Variants in RAD52 observed in about 807,000 individuals in gnomAD.
RAD52 encodes RAD52 DNA repair protein.
Under a neutral mutation model 55.5 loss-of-function variants are expected in RAD52, and 47 were observed. That is an observed-to-expected ratio of 0.85 (90% CI 0.67 to 1.08). The LOEUF is 1.08. Ranked by LOEUF, RAD52 falls within the 50% of genes least tolerant of loss-of-function variation. The pLI, the probability that RAD52 is intolerant of heterozygous loss-of-function variation, is 0.00. For missense variants in RAD52, 468 were observed against 522.8 expected (o/e 0.90, Z 1.02); for synonymous variants, 184 against 198.9 (o/e 0.92, Z 0.63).
chr12:934,460 CAAAAAAAA>C (rs10611406), intron 1 of RAD52, among the ~76,000 whole-genome samples: 2 of 128,818 alleles, frequency 1.6e-5, no homozygotes, highest in Non-Finnish European at 3.3e-5. Context: ...GACTCCATCT[CAAAAAAAA>C]AAAAAAAAAA....
At chr12:964,028 G>A (rs776819132) in intron 1 of RAD52, among the ~76,000 whole-genome samples, 2 of 152,102 alleles carry the variant, frequency 1.3e-5, no homozygotes, top group Non-Finnish European at 2.9e-5. Context: ...CACGTCTGGA[G>A]TGTCGGAGGT....
chr12:939,792 G>A (rs908555804), intron 1 of RAD52, among the ~76,000 whole-genome samples: 3 of 152,216 alleles, frequency 2.0e-5, no homozygotes, highest in Non-Finnish European at 2.9e-5. Context: ...AGAGGGCTGG[G>A]CGCACCGGGC....
chr12:916,698 C>T lies in RAD52; in HGVS notation c.666G>A (p.Val222=), dbSNP rs1212459724. The change falls in exon 8 of 12, where the codon GTG becomes GTA. Residue 222 remains valine, a synonymous_variant. Coordinates refer to ENST00000358495, the MANE Select transcript of RAD52 (RefSeq NM_134424.4). ...CATGGCTGGGTCTGGAAGGGGAGGT[C>T]ACCTGCTGCAGCTGTGGGTGTCCCA... ...MALGHPQLQQ[V]TSPSRPSHAV... 6.2e-7 allele frequency: 1 copy of T among 1,614,140 alleles called. No individual in the cohort carries two copies.
rs774142906 is a variant in RAD52 at position 932,955 on chromosome 12, C to A, written c.84+20G>T. The A allele has an allele frequency of 5.0e-6, 8 of 1,612,992 alleles. No individual in the cohort carries two copies. In the South Asian group the frequency reaches 8.8e-5, roughly 18 times the overall value. On this transcript the variant is annotated intron_variant, in intron 2 of 11. Transcript: ENST00000358495. ...CTCACTTCACCTCATTCTTTCCCGGCATGAAGGAACCACAGTTACCTGTCC... is the reference window on the plus strand; with the variant it reads ...CTCACTTCACCTCATTCTTTCCCGGAATGAAGGAACCACAGTTACCTGTCC...
chr12:984,867 G>A (rs757171089), intron 1 of RAD52, among the ~76,000 whole-genome samples: 12 of 152,058 alleles, frequency 7.9e-5, no homozygotes, highest in Non-Finnish European at 1.3e-4. Flanking sequence ...GAGTTTCACC[G>A]TGTTAGCCAG....
chr12:925,551 A>G, intron 6 of RAD52, 26 bp from the exon 7 acceptor site: 1 of 1,556,432 alleles, frequency 6.4e-7, no homozygotes, highest in Non-Finnish European at 8.9e-7. Flanking sequence ...AAAAAGGTGA[A>G]ACAGGGTTAA....
chr12:959,108 A>G (rs1958650518), intron 1 of RAD52, among the ~76,000 whole-genome samples: 1 of 152,178 alleles, frequency 6.6e-6, no homozygotes, highest in African/African-American at 2.4e-5. Context: ...TAATGCTAAG[A>G]TTAACTGTTT....
At chr12:916,892 A>G in intron 7 of RAD52, 72 bp from the exon 8 acceptor site, 13 of 1,539,268 alleles carry the variant, frequency 8.4e-6, no homozygotes, top group Non-Finnish European at 1.1e-5. Flanking sequence ...TGACTCACAG[A>G]TTGCGATTCC....
intron 1 of RAD52, among the ~76,000 whole-genome samples, chr12:959,585 G>C (rs1403881031): frequency 6.6e-6 from 1 of 152,176 alleles, no homozygotes; most frequent in Non-Finnish European, 1.5e-5. Context: ...GATAAACTTC[G>C]TACATTTAAA....
In RAD52 at chr12:916,673, C is replaced by T. The variant is rs2154108829; in HGVS notation, c.691G>A (p.Ala231Thr). Reference protein sequence around the residue: ...QVTSPSRPSHAVIPADQDCSS... With the variant: ...QVTSPSRPSHTVIPADQDCSS... ...CAGTCCTGGTCCGCCGGTATCACAGCATGGCTGGGTCTGGAAGGGGAGGTC... is the reference window on the plus strand; with the variant it reads ...CAGTCCTGGTCCGCCGGTATCACAGTATGGCTGGGTCTGGAAGGGGAGGTC... Residue 231 changes from alanine (A) to threonine (T), a missense_variant, in exon 8 of 12, where the codon GCT (alanine) becomes ACT (threonine). Physicochemically the swap from Ala to Thr is moderately conservative, Grantham distance 58. Coordinates refer to ENST00000358495, the MANE Select transcript of RAD52 (RefSeq NM_134424.4). 1 of 1,614,088 alleles carries T rather than the reference C, an allele frequency of 6.2e-7. No individual in the cohort carries two copies. Among genetic ancestry groups the T allele is most frequent in the Non-Finnish European group, 8.5e-7 (1 of 1,179,984 alleles).
In RAD52 at chr12:911,962, T is replaced by A. The variant is rs556686716; in HGVS notation, c.*1429A>T. ...TGCTTGAATCCTGGCAGGCGGAGGC[T>A]GCAATGAGTCAAGATGGCACCGCTG... On this transcript the variant is annotated 3_prime_UTR_variant, in exon 12 of 12. Coordinates refer to ENST00000358495, the MANE Select transcript of RAD52 (RefSeq NM_134424.4). 1.0e-5 allele frequency: 2 copies of A among 192,416 alleles called. No homozygotes were observed. The highest frequency in any genetic ancestry group is 1.6e-4 in the East Asian group (2 of 12,206). The allele number at this position is 192,416 out of a possible 1,614,324, so 11.9% of individuals were successfully genotyped here. A position where few individuals can be genotyped will look rare whatever the true frequency, so the allele number is the denominator to read the frequency against.
intron 1 of RAD52, among the ~76,000 whole-genome samples, chr12:946,480 A>G (rs914436355): frequency 6.6e-6 from 1 of 152,212 alleles, no homozygotes; most frequent in Non-Finnish European, 1.5e-5. Flanking sequence ...CTGTTTAAAG[A>G]TATCTTATTT....
At chr12:921,551 G>A (rs1324043224) in intron 7 of RAD52, among the ~76,000 whole-genome samples, 2 of 151,796 alleles carry the variant, frequency 1.3e-5, no homozygotes, top group Non-Finnish European at 2.9e-5. Flanking sequence ...TATAGAGGCT[G>A]CAGTGAGCCG....
intron 1 of RAD52, among the ~76,000 whole-genome samples, chr12:980,678 TGCAACC>T (rs1207925434): frequency 6.6e-6 from 1 of 151,554 alleles, no homozygotes; most frequent in Admixed American, 6.6e-5. Flanking sequence ...CTCAGCTCAC[TGCAACC>T]GCCGCCTCCT....
At chr12:955,963 TAGAG>T (rs976876187) in intron 1 of RAD52, among the ~76,000 whole-genome samples, 1 of 152,042 alleles carries the variant, frequency 6.6e-6, no homozygotes, top group Non-Finnish European at 1.5e-5. Flanking sequence ...GCATTTTTAG[TAGAG>T]AGAGGGTTTC....
chr12:925,348 CT>C lies in RAD52; in HGVS notation c.543+101del. On this transcript the variant is annotated intron_variant, in intron 7 of 11. Transcript: ENST00000358495. Reference sequence around the variant, plus strand: ...TCAACATTCCCGACCCTCTAAAGAGCTGAGTCCTCACTTTTTCTCCTTGCAT... The same window carrying C: ...TCAACATTCCCGACCCTCTAAAGAGCGAGTCCTCACTTTTTCTCCTTGCAT... The C allele has an allele frequency of 3.1e-6, 3 of 955,274 alleles. No homozygotes were observed. In the South Asian group the frequency reaches 4.0e-5, roughly 13 times the overall value. 59.2% of individuals were successfully genotyped at this position (955,274 alleles called of 1,614,324 possible). A position where few individuals can be genotyped will look rare whatever the true frequency, so the allele number is the denominator to read the frequency against.
intron 1 of RAD52, among the ~76,000 whole-genome samples, chr12:965,920 A>AGG (rs1958758658): frequency 6.6e-6 from 1 of 151,860 alleles, no homozygotes; most frequent in Admixed American, 6.6e-5. Context: ...TGCTGACCTC[A>AGG]TGATCCTCCC....
chr12:940,086 GAAGA>G (rs1957843622), intron 1 of RAD52, among the ~76,000 whole-genome samples: 1 of 130,904 alleles, frequency 7.6e-6, no homozygotes, highest in Admixed American at 7.5e-5. Context: ...AAAAAAAAAA[GAAGA>G]GAGAAGAGGA....
chr12:955,778 G>GT (rs918829399), intron 1 of RAD52, among the ~76,000 whole-genome samples: 23 of 149,952 alleles, frequency 1.5e-4, no homozygotes, highest in East Asian at 5.9e-4. Flanking sequence ...GGGCATTTTT[G>GT]TTTTTTTTGT....
Sources: allele counts gnomAD v4.1 joint callset (sites outside exome capture counted in the v4.1 genomes callset), GRCh38; gene constraint gnomAD v4.1.1; transcripts MANE v1.5; gene names NCBI Gene and HGNC (gene_info 2026-07-23, HGNC 2026-07-21).